TTF2: variants seen among roughly 807,000 people sequenced by gnomAD.
TTF2 encodes the protein RNA polymerase II termination factor.
Under a neutral mutation model 142.4 loss-of-function variants are expected in TTF2, and 108 were observed. The ratio of observed to expected loss-of-function variants is 0.76; its 90% CI spans 0.65 to 0.89. The LOEUF (loss-of-function observed/expected upper bound fraction) is 0.89, where lower values mean the gene tolerates loss of function less well. Among genes scored for constraint, TTF2 ranks in the 40% least tolerant of loss-of-function variants. The pLI, the probability that TTF2 is intolerant of heterozygous loss-of-function variation, is 0.00. For missense variants in TTF2, 1,327 were observed against 1,379.8 expected (o/e 0.96, Z 0.61); for synonymous variants, 483 against 506.2 (o/e 0.95, Z 0.61).
At position 117,101,260 on chromosome 1, in the gene TTF2, A is replaced by G; in HGVS notation, c.3345-120A>G. The G allele has an allele frequency of 9.1e-7, 1 of 1,101,738 alleles. No individual in the cohort carries two copies. The highest frequency in any genetic ancestry group is 1.3e-6 in the Non-Finnish European group (1 of 797,766). The allele number at this position is 1,101,738 out of a possible 1,614,324, so 68.2% of individuals were successfully genotyped here. The stretch of plus-strand genomic sequence containing the variant: ...CAGACAGGGTTCTTAACTGGACCTA[A>G]GAAGACTTAAAGGAAGAAATCTCAT... On this transcript the variant is annotated intron_variant, in intron 22 of 22. Transcript: ENST00000369466. This position sits in a 1 kb window ranked among gnomAD's most constrained non-coding sequence, Gnocchi z 5.9.
Position 117,091,411 on chromosome 1 carries a change from G to A in TTF2, c.2671+1G>A. 2 of 1,610,196 alleles carry A rather than the reference G, an allele frequency of 1.2e-6. No homozygotes were observed. Among genetic ancestry groups the A allele is most frequent in the South Asian group, 1.1e-5 (1 of 90,192 alleles). On this transcript the variant is annotated splice_donor_variant, in intron 16 of 22. Coordinates refer to ENST00000369466, the MANE Select transcript of TTF2 (RefSeq NM_003594.4). LOFTEE classifies it high-confidence loss of function. ...AGCCCTAATAATCCATTCAGTAGAG[G>A]TAAGCTGTAGGACTCTCATAAATAC...
At chr1:117,069,874 T>G (rs1405546788) in intron 3 of TTF2, among the ~76,000 whole-genome samples, 8 of 152,244 alleles carry the variant, frequency 5.3e-5, no homozygotes, top group African/African-American at 1.7e-4. Context: ...TTCTTCTAGC[T>G]GGTCCCTTCA....
rs1438850641 is a variant in TTF2, at chr1:117,099,473, T to G, written c.3344+566T>G. 1.3e-5 allele frequency among the ~76,000 whole-genome samples: 2 copies of G among 152,234 alleles called. No homozygotes were observed. Among genetic ancestry groups the G allele is most frequent in the Non-Finnish European group, 2.9e-5 (2 of 68,048 alleles). ...AATCTCACTTGTCTCAGTGATGTCC[T>G]TCACAGCAAAAAAGAATCCCAGATC... On this transcript the variant is annotated intron_variant, in intron 22 of 22. Coordinates refer to ENST00000369466, the MANE Select transcript of TTF2 (RefSeq NM_003594.4). The surrounding 1 kb of genome is among the most constrained non-coding windows in gnomAD (Gnocchi z 4.3).
intron 18 of TTF2, 22 bp from the exon 19 acceptor site, chr1:117,095,287 T>C (rs1238096818): frequency 1.9e-6 from 3 of 1,613,342 alleles, no homozygotes; most frequent in Non-Finnish European, 2.5e-6. Flanking sequence ...AAACATACAA[T>C]GTTGATGTAA....
chr1:117,098,795 T>C (rs1649363894), intron 21 of TTF2, 38 bp from the exon 22 acceptor site: 1 of 1,597,362 alleles, frequency 6.3e-7, no homozygotes, highest in Non-Finnish European at 8.6e-7. Context: ...TCTGATCTAG[T>C]ATGTCAGTTC....
chr1:117,075,771 C>T lies in TTF2; in HGVS notation c.1187C>T (p.Ser396Phe). Residue 396 changes from serine (S) to phenylalanine (F), a missense_variant, in exon 5 of 23, where the codon TCT becomes TTT. Ser to Phe is a radical substitution (Grantham distance 155). Coordinates refer to ENST00000369466, the MANE Select transcript of TTF2 (RefSeq NM_003594.4). This position sits in a 1 kb window ranked among gnomAD's most constrained non-coding sequence, Gnocchi z 4.5. The part of the protein sequence containing the change: ...FPDRSVQRKV[S>F]PASGVSKKVE... ...GATCGAAGTGTGCAAAGAAAGGTGT[C>T]TCCTGCCTCAGGTGTTTCCAAGAAG... The T allele has an allele frequency of 6.2e-7, 1 of 1,614,202 alleles. No homozygotes were observed. The highest frequency in any genetic ancestry group is 8.5e-7 in the Non-Finnish European group (1 of 1,180,032).
At position 117,076,441 on chromosome 1, in the gene TTF2, G is replaced by T; in HGVS notation, c.1390+147G>T. The T allele has an allele frequency of 1.1e-6, 1 of 912,560 alleles. No individual in the cohort carries two copies. 56.5% of individuals were successfully genotyped at this position (912,560 alleles called of 1,614,324 possible). ...AGACTTCTTTCACATTACACCTATG[G>T]TTCATAAAAAACTTTCTCCTGTTTC... On this transcript the variant is annotated intron_variant, in intron 6 of 22. Coordinates refer to ENST00000369466, the MANE Select transcript of TTF2 (RefSeq NM_003594.4). The surrounding 1 kb of genome is among the most constrained non-coding windows in gnomAD (Gnocchi z 4.6).
Position 117,076,748 on chromosome 1 carries a change from A to T in TTF2, c.1498A>T (p.Thr500Ser). 1 of 1,614,090 alleles carries T rather than the reference A, an allele frequency of 6.2e-7. No individual in the cohort carries two copies. Among genetic ancestry groups the T allele is most frequent in the Non-Finnish European group, 8.5e-7 (1 of 1,180,010 alleles). Reference protein sequence around the residue: ...VPPQPLPRRGTQPVGSLELKS... With the variant: ...VPPQPLPRRGSQPVGSLELKS... ...TCCCCAACCCCTTCCTCGTCGTGGT[A>T]CCCAACCTGTGGGTTCTCTAGAACT... The change falls in exon 7 of 23, where the codon ACC becomes TCC. Residue 500 changes from threonine (T) to serine (S), a missense_variant. Physicochemically the swap from Thr to Ser is moderately conservative, Grantham distance 58. Transcript: ENST00000369466. The surrounding 1 kb of genome is among the most constrained non-coding windows in gnomAD (Gnocchi z 4.6).
chr1:117,061,602 C>T (rs1655692519), intron 2 of TTF2, among the ~76,000 whole-genome samples: 1 of 152,186 alleles, frequency 6.6e-6, no homozygotes, highest in Non-Finnish European at 1.5e-5. Context: ...CTGAGCCTCT[C>T]AGATATAGTA....
chr1:117,098,974 A>AAAG, intron 22 of TTF2, 67 bp downstream of exon 22: 1 of 1,431,312 alleles, frequency 7.0e-7, no homozygotes, highest in Non-Finnish European at 9.7e-7. Context: ...TTTCTTTCTT[A>AAAG]GGTAGTGTTT....
At position 117,092,777 on chromosome 1, in the gene TTF2, T is replaced by C; in HGVS notation, c.2852T>C (p.Leu951Pro). The change falls in exon 18 of 23, where the codon CTG becomes CCG. Residue 951 changes from leucine (L) to proline (P), a missense_variant. Transcript: ENST00000369466. This position sits in a 1 kb window ranked among gnomAD's most constrained non-coding sequence, Gnocchi z 4.4. Reference protein sequence around the residue: ...ELKGEGLVLSLEEQLSALTLS... With the variant: ...ELKGEGLVLSPEEQLSALTLS... ...AAGGGTGAAGGTCTTGTCCTTTCCC[T>C]GGAAGAACAGCTCAGTGCTTTGACC... 1 of 1,614,230 alleles carries C rather than the reference T, an allele frequency of 6.2e-7. No individual in the cohort carries two copies. The highest frequency in any genetic ancestry group is 8.5e-7 in the Non-Finnish European group (1 of 1,180,034).
At position 117,106,817 on chromosome 1, in the gene TTF2, G is replaced by A. The variant is rs891626497; in HGVS notation, c.*5293G>A. The stretch of plus-strand genomic sequence containing the variant: ...CACTTCATTGAACCACCTCTTCATT[G>A]AGCCAAACCTACCATACAGGGATAC... On this transcript the variant is annotated 3_prime_UTR_variant, in exon 23 of 23. Transcript: ENST00000369466. 3 of 152,228 alleles carry A rather than the reference G, an allele frequency of 2.0e-5. No individual in the cohort carries two copies. Among genetic ancestry groups the A allele is most frequent in the Non-Finnish European group, 2.9e-5 (2 of 68,054 alleles). 9.4% of individuals were successfully genotyped at this position (152,228 alleles called of 1,614,324 possible).
At chr1:117,078,131 AC>A (rs777403448) in intron 8 of TTF2, 88 bp downstream of exon 8, 98 of 1,520,944 alleles carry the variant, frequency 6.4e-5, no homozygotes, top group Non-Finnish European at 8.6e-5. Context: ...TTTCTGAGAT[AC>A]CTTTCCTACA....
At chr1:117,068,227 G>T (rs1656297774) in intron 3 of TTF2, among the ~76,000 whole-genome samples, 2 of 152,142 alleles carry the variant, frequency 1.3e-5, no homozygotes. Context: ...GCTTAGACGT[G>T]GGTATAACAA....
At chr1:117,098,772 A>G (rs994431155) in intron 21 of TTF2, 61 bp from the exon 22 acceptor site, 3 of 1,501,226 alleles carry the variant, frequency 2.0e-6, no homozygotes, top group East Asian at 2.3e-5. Context: ...CCCATGGCCC[A>G]TAGTTTGCCA....
Position 117,088,529 on chromosome 1 carries a change from TC to T in TTF2, c.2161-269del, listed in dbSNP as rs1368286781. On this transcript the variant is annotated intron_variant, in intron 12 of 22. Transcript: ENST00000369466. ...TCCAGCCTGGGCGACGGAGCGAGAC[TC>T]CCATCTCAAAAAAAAAAAGGAAACC... is the stretch of plus-strand genomic sequence containing the variant. Among the ~76,000 whole-genome samples, 5 of 151,286 alleles carry T rather than the reference TC, an allele frequency of 3.3e-5. No individual in the cohort carries two copies. In the East Asian group the frequency reaches 7.7e-4, roughly 23 times the overall value.
intron 7 of TTF2, among the ~76,000 whole-genome samples, chr1:117,077,571 C>T (rs914221758): frequency 2.6e-5 from 4 of 152,110 alleles, no homozygotes; most frequent in African/African-American, 7.2e-5. Flanking sequence ...AGCAATAACA[C>T]CCTATTAGCT....
In TTF2 at chr1:117,079,601, G is replaced by C; in HGVS notation, c.1735G>C (p.Ala579Pro). 6.2e-7 allele frequency: 1 copy of C among 1,614,230 alleles called. No homozygotes were observed. Among genetic ancestry groups the C allele is most frequent in the Non-Finnish European group, 8.5e-7 (1 of 1,180,038 alleles). Residue 579 changes from alanine to proline, a missense_variant, in exon 9 of 23, where the codon GCT (alanine) becomes CCT (proline). Physicochemically the swap from Ala to Pro is conservative, Grantham distance 27. Coordinates refer to ENST00000369466, the MANE Select transcript of TTF2 (RefSeq NM_003594.4). The surrounding 1 kb of genome is among the most constrained non-coding windows in gnomAD (Gnocchi z 4.2). ...PLLLHQKQAL[A>P]WLLWRESQKP... Reference sequence around the variant, plus strand: ...GCTACTACACCAGAAGCAGGCATTGGCTTGGTTACTATGGCGAGAAAGTCA... The same window carrying C: ...GCTACTACACCAGAAGCAGGCATTGCCTTGGTTACTATGGCGAGAAAGTCA...
chr1:117,084,311 T>A, intron 11 of TTF2, 143 bp downstream of exon 11: 1 of 1,067,488 alleles, frequency 9.4e-7, no homozygotes, highest in Non-Finnish European at 1.3e-6. Context: ...CTCGTCACCA[T>A]ACAGCCTTTG....
Sources: gnomAD v4.1 joint callset for allele counts (sites outside exome capture counted in the v4.1 genomes callset) on GRCh38, gnomAD v4.1.1 for gene constraint, Gnocchi (gnomAD v3.1) non-coding constraint, MANE v1.5 for transcripts, NCBI Gene and HGNC (gene_info 2026-07-23, HGNC 2026-07-21) for gene names.